Variants in CDH13 observed in about 807,000 individuals in gnomAD.
CDH13 encodes the protein cadherin 13.
Under a neutral mutation model 63.8 loss-of-function variants are expected in CDH13, and 24 were observed. The ratio of observed to expected loss-of-function variants is 0.38; its 90% CI spans 0.27 to 0.53. The LOEUF (loss-of-function observed/expected upper bound fraction) is 0.53, where lower values mean the gene tolerates loss of function less well. CDH13 is among the 20% of genes least tolerant of loss of function. The pLI, the probability that CDH13 is intolerant of heterozygous loss-of-function variation, is 0.85. For missense variants in CDH13, 1,049 were observed against 903.1 expected, an observed-to-expected ratio of 1.16 and a Z score of -2.07; for synonymous variants, 503 against 355.3, an observed-to-expected ratio of 1.42 and a Z score of -4.67.
intron 4 of CDH13, among the ~76,000 whole-genome samples, chr16:83,187,480 T>C (rs1198569967): frequency 6.6e-6 from 1 of 152,080 alleles, no homozygotes; most frequent in Non-Finnish European, 1.5e-5. Flanking sequence ...TTTCTGATTC[T>C]ACTGCCTTTT....
chr16:83,798,078 T>A lies in CDH13; in HGVS notation c.*3048T>A, dbSNP rs1380030567. ...TCATGGTAGGTATCAAATAAGACTT[T>A]GGCTCTTAAAGAACATCGTTAGAAA... On this transcript the variant is annotated 3_prime_UTR_variant, in exon 14 of 14. Transcript: ENST00000567109. The A allele has an allele frequency of 1.3e-5, 2 of 152,222 alleles. No homozygotes were observed. The highest frequency in any genetic ancestry group is 2.4e-5 in the African/African-American group (1 of 41,456). The allele number at this position is 152,222 out of a possible 1,614,324, so 9.4% of individuals were successfully genotyped here.
At chr16:83,354,218 G>A (rs1186044541) in intron 6 of CDH13, among the ~76,000 whole-genome samples, 3 of 152,218 alleles carry the variant, frequency 2.0e-5, no homozygotes, top group Non-Finnish European at 4.4e-5. Flanking sequence ...AGCGCCGTTG[G>A]ATCCTATCCC....
At chr16:82,643,118 A>G (rs1909622965) in intron 1 of CDH13, among the ~76,000 whole-genome samples, 1 of 152,236 alleles carries the variant, frequency 6.6e-6, no homozygotes. Context: ...AATGCTCTGG[A>G]GCTAGATAGT....
intron 8 of CDH13, among the ~76,000 whole-genome samples, chr16:83,648,674 G>A (rs986264789): frequency 1.2e-4 from 19 of 152,022 alleles, no homozygotes; most frequent in Admixed American, 6.5e-4. Context: ...CTCTTGATTC[G>A]CTCAGATTTT....
At chr16:82,898,052 A>C (rs74326277) in intron 2 of CDH13, among the ~76,000 whole-genome samples, 2 of 152,246 alleles carry the variant, frequency 1.3e-5, no homozygotes, top group Non-Finnish European at 2.9e-5. Flanking sequence ...AATATAAAAC[A>C]TATACAGTTC....
At chr16:83,473,452 A>T (rs1359995689) in intron 6 of CDH13, among the ~76,000 whole-genome samples, 1 of 152,210 alleles carries the variant, frequency 6.6e-6, no homozygotes, top group Non-Finnish European at 1.5e-5. Flanking sequence ...TAACTGCAGT[A>T]GTCACCAGCA....
intron 6 of CDH13, among the ~76,000 whole-genome samples, chr16:83,380,150 G>T (rs921279832): frequency 5.3e-5 from 8 of 151,884 alleles, no homozygotes; most frequent in Non-Finnish European, 1.2e-4. Flanking sequence ...TTGGTAAAAA[G>T]GTTGAAAGTC....
chr16:83,445,390 A>G (rs930746141), intron 6 of CDH13, among the ~76,000 whole-genome samples: 1 of 152,136 alleles, frequency 6.6e-6, no homozygotes, highest in Non-Finnish European at 1.5e-5. Flanking sequence ...AGTTTTCCCT[A>G]AAATGAATTT....
intron 1 of CDH13, chr16:82,722,897 A>T (rs1405009027): frequency 6.6e-6 from 1 of 152,180 alleles, no homozygotes; most frequent in Non-Finnish European, 1.5e-5. Context: ...GACTGCTTTT[A>T]CTCAAATGGC....
chr16:83,383,588 A>AT (rs1248585860), intron 6 of CDH13, among the ~76,000 whole-genome samples: 1 of 151,900 alleles, frequency 6.6e-6, no homozygotes. Flanking sequence ...TCATTCATTT[A>AT]TTTTTTATAT....
At chr16:83,254,636 G>C (rs953907259) in intron 5 of CDH13, among the ~76,000 whole-genome samples, 1 of 152,042 alleles carries the variant, frequency 6.6e-6, no homozygotes, top group Non-Finnish European at 1.5e-5. Flanking sequence ...GTGCTTAGTT[G>C]TGCAAGCCAC....
At chr16:83,555,087 A>G (rs1567759995) in intron 7 of CDH13, among the ~76,000 whole-genome samples, 2 of 152,258 alleles carry the variant, frequency 1.3e-5, no homozygotes, top group South Asian at 4.1e-4. Context: ...GCAGCCCCTC[A>G]CTGACCATGT....
At chr16:83,304,567 T>C (rs888200568) in intron 5 of CDH13, among the ~76,000 whole-genome samples, 9 of 152,154 alleles carry the variant, frequency 5.9e-5, no homozygotes, top group African/African-American at 1.7e-4. Context: ...ATAATAGATA[T>C]TTGTCCTCGA....
At chr16:83,346,108 C>G (rs1209784219) in intron 6 of CDH13, among the ~76,000 whole-genome samples, 1 of 152,198 alleles carries the variant, frequency 6.6e-6, no homozygotes, top group Admixed American at 6.5e-5. Context: ...AAGAGCGACC[C>G]TCTTCCTTCC....
At chr16:82,995,551 A>G (rs906863737) in intron 2 of CDH13, among the ~76,000 whole-genome samples, 5 of 152,228 alleles carry the variant, frequency 3.3e-5, no homozygotes, top group African/African-American at 9.6e-5. Flanking sequence ...TCAAGCCACC[A>G]TTCCAATTCT....
At chr16:83,507,926 G>A (rs1314491853) in intron 7 of CDH13, among the ~76,000 whole-genome samples, 1 of 151,502 alleles carries the variant, frequency 6.6e-6, no homozygotes, top group Non-Finnish European at 1.5e-5. Context: ...CAGCTACTCA[G>A]GAGGCTGAAG....
intron 2 of CDH13, among the ~76,000 whole-genome samples, chr16:82,969,668 A>G (rs1341763091): frequency 6.6e-6 from 1 of 152,142 alleles, no homozygotes; most frequent in Non-Finnish European, 1.5e-5. Context: ...TACCACTAGC[A>G]GCACTGCAGT....
At chr16:83,437,069 G>A in intron 6 of CDH13, among the ~76,000 whole-genome samples, 1 of 152,124 alleles carries the variant, frequency 6.6e-6, no homozygotes, top group East Asian at 1.9e-4. Flanking sequence ...GCTTGGTACT[G>A]TTTTGTTTGG....
chr16:83,729,803 C>CT (rs1377406815), intron 10 of CDH13, among the ~76,000 whole-genome samples: 1 of 152,236 alleles, frequency 6.6e-6, no homozygotes, highest in Admixed American at 6.5e-5. Context: ...ATTACCGCAA[C>CT]TGCCACTAGC....
Sources: allele counts gnomAD v4.1 joint callset (sites outside exome capture counted in the v4.1 genomes callset), GRCh38; gene constraint gnomAD v4.1.1; transcripts MANE v1.5; gene names NCBI Gene and HGNC (gene_info 2026-07-23, HGNC 2026-07-21).